The following NRXN3 variants were observed in gnomAD, a reference collection of about 807,000 sequenced individuals.
NRXN3 encodes neurexin III.
A neutral mutation model predicts 137.6 loss-of-function variants in NRXN3; 32 were observed. The observed-to-expected ratio is 0.23, with a 90% CI of 0.18 to 0.31. The LOEUF (loss-of-function observed/expected upper bound fraction) is 0.31. Among genes scored for constraint, NRXN3 ranks in the 10% least tolerant of loss-of-function variants. The pLI, the probability that NRXN3 is intolerant of heterozygous loss-of-function variation, is 1.00. For synonymous variants in NRXN3, 798 were observed against 784.5 expected (o/e 1.02, Z -0.29); for missense variants, 1,574 against 2,062.5 (o/e 0.76, Z 4.59).
intron 4 of NRXN3, among the ~76,000 whole-genome samples, chr14:78,351,967 G>A (rs2083576915): frequency 6.6e-6 from 1 of 151,642 alleles, no homozygotes; most frequent in Non-Finnish European, 1.5e-5. Context: ...AGCACCTGTA[G>A]TCCTAGCTAT....
At chr14:78,238,688 G>A (rs1453947289) in intron 1 of NRXN3, among the ~76,000 whole-genome samples, 1 of 152,280 alleles carries the variant, frequency 6.6e-6, no homozygotes, top group Non-Finnish European at 1.5e-5. Context: ...AAGCCCACTT[G>A]TGATGTTATC....
At chr14:79,239,590 T>C (rs964484079) in intron 15 of NRXN3, among the ~76,000 whole-genome samples, 2 of 152,258 alleles carry the variant, frequency 1.3e-5, no homozygotes, top group South Asian at 4.1e-4. Context: ...GGAAAATGTA[T>C]GGAGATTCCT....
At chr14:78,267,072 G>C (rs1384379501) in intron 2 of NRXN3, among the ~76,000 whole-genome samples, 2 of 152,146 alleles carry the variant, frequency 1.3e-5, no homozygotes, top group Non-Finnish European at 2.9e-5. Flanking sequence ...TTCTATCCCA[G>C]GCCCATGTCT....
At chr14:79,482,702 A>C (rs1470753640) in intron 16 of NRXN3, among the ~76,000 whole-genome samples, 1 of 152,122 alleles carries the variant, frequency 6.6e-6, no homozygotes, top group Non-Finnish European at 1.5e-5. Flanking sequence ...AAAAACAACC[A>C]AAAACAACCA....
chr14:79,259,023 A>AT (rs1005122374), intron 15 of NRXN3, among the ~76,000 whole-genome samples: 2 of 151,826 alleles, frequency 1.3e-5, no homozygotes, highest in Non-Finnish European at 2.9e-5. Context: ...CATGGGTTTT[A>AT]TTTTTTTTCC....
intron 4 of NRXN3, among the ~76,000 whole-genome samples, chr14:78,313,251 T>C (rs919516552): frequency 1.3e-5 from 2 of 152,204 alleles, no homozygotes; most frequent in African/African-American, 4.8e-5. Context: ...AACCTGATAG[T>C]TGGAAGACTT....
intron 15 of NRXN3, among the ~76,000 whole-genome samples, chr14:79,252,402 T>C (rs2076059865): frequency 6.6e-6 from 1 of 152,228 alleles, no homozygotes; most frequent in Non-Finnish European, 1.5e-5. Flanking sequence ...GGGATATTTA[T>C]ATGGAAAAGA....
chr14:78,680,186 A>C (rs992154170), intron 6 of NRXN3, among the ~76,000 whole-genome samples: 1 of 152,148 alleles, frequency 6.6e-6, no homozygotes, highest in Non-Finnish European at 1.5e-5. Context: ...TGATGAGAAC[A>C]CATGGACACA....
intron 15 of NRXN3, among the ~76,000 whole-genome samples, chr14:79,382,162 G>C (rs12888940): frequency 3.3e-5 from 5 of 152,036 alleles, no homozygotes; most frequent in Non-Finnish European, 7.4e-5. Flanking sequence ...GGTAAAGCAC[G>C]TAGGACATCC....
At chr14:78,186,359 C>A (rs942725560) in intron 1 of NRXN3, among the ~76,000 whole-genome samples, 1 of 152,224 alleles carries the variant, frequency 6.6e-6, no homozygotes, top group Non-Finnish European at 1.5e-5. Flanking sequence ...CCAGGCAGAG[C>A]CTGAGGTGCA....
chr14:78,878,418 T>C (rs571132403), intron 10 of NRXN3, among the ~76,000 whole-genome samples: 1 of 152,308 alleles, frequency 6.6e-6, no homozygotes, highest in East Asian at 1.9e-4. Flanking sequence ...AATTCTACAC[T>C]GATGGGGAAC....
chr14:78,930,814 C>A (rs2099319541), intron 10 of NRXN3, among the ~76,000 whole-genome samples: 1 of 152,154 alleles, frequency 6.6e-6, no homozygotes, highest in South Asian at 2.1e-4. Context: ...AGTGAGCCAT[C>A]TTCTAGGTAT....
chr14:79,131,745 G>A (rs1004292643), intron 15 of NRXN3, among the ~76,000 whole-genome samples: 3 of 152,218 alleles, frequency 2.0e-5, no homozygotes, highest in African/African-American at 7.2e-5. Context: ...ACCTAAGCAA[G>A]CCTGGGCAAT....
intron 4 of NRXN3, among the ~76,000 whole-genome samples, chr14:78,458,882 G>A (rs371971994): frequency 1.6e-4 from 25 of 152,254 alleles, no homozygotes; most frequent in Admixed American, 8.5e-4. Context: ...GAAATATGGC[G>A]CAGGTGAACA....
At chr14:78,510,406 G>A (rs1463317667) in intron 4 of NRXN3, among the ~76,000 whole-genome samples, 1 of 151,936 alleles carries the variant, frequency 6.6e-6, no homozygotes, top group African/African-American at 2.4e-5. Context: ...AGGAGTCCAG[G>A]GAAGCAGACT....
intron 16 of NRXN3, among the ~76,000 whole-genome samples, chr14:79,632,026 CG>C (rs1233401260): frequency 1.3e-5 from 2 of 152,154 alleles, no homozygotes; most frequent in Non-Finnish European, 2.9e-5. Flanking sequence ...GAGCCAGCAG[CG>C]GCATCCTGGT....
At chr14:79,076,065 C>T (rs1378123421) in intron 15 of NRXN3, among the ~76,000 whole-genome samples, 1 of 152,126 alleles carries the variant, frequency 6.6e-6, no homozygotes, top group Non-Finnish European at 1.5e-5. Flanking sequence ...TGGTAAAAAC[C>T]ATCCTCATGA....
At chr14:78,340,615 G>T (rs1368957217) in intron 4 of NRXN3, among the ~76,000 whole-genome samples, 1 of 152,088 alleles carries the variant, frequency 6.6e-6, no homozygotes, top group Non-Finnish European at 1.5e-5. Context: ...GTCTTCCAGG[G>T]TCTCTTCTTG....
At chr14:79,808,486 T>A (rs1367317473) in intron 20 of NRXN3, among the ~76,000 whole-genome samples, 1 of 152,002 alleles carries the variant, frequency 6.6e-6, no homozygotes, top group Admixed American at 6.6e-5. Context: ...AAATTCTGGT[T>A]TTGAACACCC....
Sources: allele counts gnomAD v4.1 joint callset (sites outside exome capture counted in the v4.1 genomes callset), GRCh38; gene constraint gnomAD v4.1.1; transcripts MANE v1.5; gene names NCBI Gene and HGNC (gene_info 2026-07-23, HGNC 2026-07-21).